Variants in ISOC1 observed in about 807,000 individuals in gnomAD.
The protein encoded by ISOC1 is isochorismatase domain containing 1.
A neutral mutation model predicts 30.0 loss-of-function variants in ISOC1; 33 were observed. The observed-to-expected ratio is 1.10, with a 90% confidence interval of 0.83 to 1.47. ISOC1 has a LOEUF of 1.47. Ranked by LOEUF, ISOC1 falls within the 40% of genes most tolerant of loss-of-function variation. The pLI, the probability that ISOC1 is intolerant of heterozygous loss-of-function variation, is 0.00. For synonymous variants in ISOC1, 178 were observed against 159.8 expected (o/e 1.11, Z -0.86); for missense variants, 372 against 388.0 (o/e 0.96, Z 0.35).
At chr5:129,097,595 A>G (rs1028492138) in intron 1 of ISOC1, 4 of 152,286 alleles carry the variant, frequency 2.6e-5, no homozygotes, top group African/African-American at 9.7e-5. Flanking sequence ...CTTGGATTCA[A>G]TTCTTGTTCC....
At chr5:129,112,775 T>C in intron 4 of ISOC1, 80 bp from the exon 5 acceptor site, 1 of 1,467,254 alleles carries the variant, frequency 6.8e-7, no homozygotes, top group South Asian at 1.3e-5. Flanking sequence ...AATTATTGCA[T>C]CCCAGCATAG....
At chr5:129,097,046 G>T (rs972055160) in intron 1 of ISOC1, among the ~76,000 whole-genome samples, 1 of 152,060 alleles carries the variant, frequency 6.6e-6, no homozygotes, top group South Asian at 2.1e-4. Flanking sequence ...TGGTATAGGA[G>T]ATTATGTATA....
intron 4 of ISOC1, among the ~76,000 whole-genome samples, chr5:129,108,891 C>T (rs1052684605): frequency 2.0e-5 from 3 of 152,158 alleles, no homozygotes; most frequent in Non-Finnish European, 4.4e-5. Context: ...AGTTTAAATA[C>T]TTCATTGTCA....
At chr5:129,108,130 T>C (rs1753660495) in intron 4 of ISOC1, among the ~76,000 whole-genome samples, 1 of 152,202 alleles carries the variant, frequency 6.6e-6, no homozygotes, top group African/African-American at 2.4e-5. Context: ...CCTCCAGTGT[T>C]CTATGCACAG....
In ISOC1 at chr5:129,113,016, T is replaced by G. The variant is rs1453969101; in HGVS notation, c.*15T>G. The G allele has an allele frequency of 6.2e-7, 1 of 1,606,288 alleles. No individual in the cohort carries two copies. The highest frequency in any genetic ancestry group is 8.5e-7 in the Non-Finnish European group (1 of 1,175,822). On this transcript the variant is annotated 3_prime_UTR_variant, in exon 5 of 5. Coordinates refer to ENST00000173527, the MANE Select transcript of ISOC1 (RefSeq NM_016048.2). ...CCAAAGTATAGGACATTTGAAGAAC[T>G]GGTATGCTACTCACTGGTGAAGGAC...
chr5:129,099,013 A>G (rs915429162), intron 1 of ISOC1, among the ~76,000 whole-genome samples: 7 of 139,332 alleles, frequency 5.0e-5, no homozygotes, highest in African/African-American at 2.1e-4. Context: ...GCTAATGCTC[A>G]GAGAGGAGAC....
At position 129,094,761 on chromosome 5, in the gene ISOC1, G is replaced by A; in HGVS notation, c.-6G>A. 1 of 1,477,898 alleles carries A rather than the reference G, an allele frequency of 6.8e-7. No homozygotes were observed. The highest frequency in any genetic ancestry group is 8.9e-7 in the Non-Finnish European group (1 of 1,119,040). 91.5% of individuals were successfully genotyped at this position (1,477,898 alleles called of 1,614,324 possible). A position where few individuals can be genotyped will look rare whatever the true frequency, so the allele number is the denominator to read the frequency against. On this transcript the variant is annotated 5_prime_UTR_variant, in exon 1 of 5. Coordinates refer to ENST00000173527, the MANE Select transcript of ISOC1 (RefSeq NM_016048.2). ...GGCCTCGGAGCTCGCAGACGCTCGGGGGAACATGGCGGCTGCGGAGCCGGC... is the reference window on the plus strand; with the variant it reads ...GGCCTCGGAGCTCGCAGACGCTCGGAGGAACATGGCGGCTGCGGAGCCGGC...
chr5:129,104,627 A>G (rs557651791), intron 1 of ISOC1, among the ~76,000 whole-genome samples: 10 of 152,216 alleles, frequency 6.6e-5, no homozygotes, highest in African/African-American at 1.2e-4. Flanking sequence ...GTATTTTTCC[A>G]TGGATGGTAT....
chr5:129,108,615 G>C (rs1337137430), intron 4 of ISOC1, among the ~76,000 whole-genome samples: 1 of 151,782 alleles, frequency 6.6e-6, no homozygotes, highest in African/African-American at 2.4e-5. Flanking sequence ...GGTTCAAGCA[G>C]TTCTCCCTGT....
intron 1 of ISOC1, among the ~76,000 whole-genome samples, chr5:129,095,499 A>G (rs1278551108): frequency 6.6e-6 from 1 of 152,186 alleles, no homozygotes; most frequent in Admixed American, 6.5e-5. Context: ...TATTGGTCTT[A>G]GGGTTTGTTC....
chr5:129,107,308 G>A (rs1317652266), intron 4 of ISOC1, among the ~76,000 whole-genome samples: 1 of 151,900 alleles, frequency 6.6e-6, no homozygotes, highest in African/African-American at 2.4e-5. Flanking sequence ...TACATCTTTC[G>A]TCATACGTTT....
chr5:129,097,216 T>C (rs975366878), intron 1 of ISOC1, among the ~76,000 whole-genome samples: 11 of 152,156 alleles, frequency 7.2e-5, no homozygotes, highest in African/African-American at 2.7e-4. Flanking sequence ...ATATTTTCTC[T>C]TCTATATTAT....
At chr5:129,107,579 A>G (rs376108127) in intron 4 of ISOC1, among the ~76,000 whole-genome samples, 3 of 152,110 alleles carry the variant, frequency 2.0e-5, no homozygotes, top group Non-Finnish European at 2.9e-5. Context: ...ATCTATTTAC[A>G]TAGCATTTAC....
At chr5:129,097,927 A>G (rs996064326) in intron 1 of ISOC1, among the ~76,000 whole-genome samples, 2 of 152,116 alleles carry the variant, frequency 1.3e-5, no homozygotes, top group Non-Finnish European at 2.9e-5. Flanking sequence ...AAGGTGGCCT[A>G]TCGGTGAGTC....
At chr5:129,095,519 T>C (rs1252963801) in intron 1 of ISOC1, among the ~76,000 whole-genome samples, 1 of 152,194 alleles carries the variant, frequency 6.6e-6, no homozygotes, top group Non-Finnish European at 1.5e-5. Flanking sequence ...CCTAGAGTTG[T>C]GTTAACCACT....
intron 1 of ISOC1, among the ~76,000 whole-genome samples, chr5:129,096,901 A>G (rs1276636128): frequency 6.6e-6 from 1 of 152,112 alleles, no homozygotes; most frequent in African/African-American, 2.4e-5. Context: ...TATATTTGAA[A>G]ATTTCAGGGC....
chr5:129,103,660 A>G (rs550431924), intron 1 of ISOC1, among the ~76,000 whole-genome samples: 31 of 152,206 alleles, frequency 2.0e-4, no homozygotes, highest in Non-Finnish European at 3.8e-4. Flanking sequence ...AATTTAATTC[A>G]TGTAGTAATT....
At chr5:129,096,049 TTTTC>T (rs1466323956) in intron 1 of ISOC1, among the ~76,000 whole-genome samples, 3 of 152,220 alleles carry the variant, frequency 2.0e-5, no homozygotes, top group Non-Finnish European at 2.9e-5. Context: ...TTAAGTGTCA[TTTTC>T]TTTCTTTTTT....
Position 129,107,149 on chromosome 5 carries a change from T to G in ISOC1, c.750+87T>G, listed in dbSNP as rs1753648207. The stretch of plus-strand genomic sequence containing the variant: ...TGGATATTTAACAGTAATGAAAGGT[T>G]TACCTCCTAAATTTGAGTTGGTCTG... On this transcript the variant is annotated intron_variant, in intron 4 of 4. Transcript: ENST00000173527. 5 of 1,092,568 alleles carry G rather than the reference T, an allele frequency of 4.6e-6. No homozygotes were observed. The Admixed American group carries it at 8.7e-5, about 19-fold the overall frequency. 67.7% of individuals were successfully genotyped at this position (1,092,568 alleles called of 1,614,324 possible).
Sources: gnomAD v4.1 joint callset for allele counts (sites outside exome capture counted in the v4.1 genomes callset) on GRCh38, gnomAD v4.1.1 for gene constraint, MANE v1.5 for transcripts, NCBI Gene and HGNC (gene_info 2026-07-23, HGNC 2026-07-21) for gene names.